The following CDH12 variants were observed in gnomAD, a reference collection of about 807,000 sequenced individuals.
CDH12 encodes the protein cadherin 12.
CDH12 carries 41 observed loss-of-function variants against 74.1 expected under a neutral mutation model. The observed-to-expected ratio is 0.55, with a 90% CI of 0.43 to 0.72. CDH12 has a LOEUF of 0.72. CDH12 is among the 30% of genes least tolerant of loss of function. The pLI is 0.00. For synonymous variants in CDH12, 399 were observed against 355.0 expected (o/e 1.12, Z -1.39); for missense variants, 945 against 977.2 (o/e 0.97, Z 0.44).
chr5:22,022,249 G>A (rs921632186), intron 5 of CDH12, among the ~76,000 whole-genome samples: 1 of 152,088 alleles, frequency 6.6e-6, no homozygotes, highest in African/African-American at 2.4e-5. Flanking sequence ...GGGACCTGGT[G>A]GGAGGTGATT....
chr5:21,946,850 T>G (rs1364614030), intron 6 of CDH12, among the ~76,000 whole-genome samples: 1 of 152,226 alleles, frequency 6.6e-6, no homozygotes, highest in African/African-American at 2.4e-5. Flanking sequence ...CTAGTACTGA[T>G]ATTGTTTGGC....
chr5:22,192,574 C>T (rs1750371036), intron 4 of CDH12, among the ~76,000 whole-genome samples: 1 of 151,894 alleles, frequency 6.6e-6, no homozygotes, highest in Non-Finnish European at 1.5e-5. Context: ...GGTCCACAAG[C>T]ACCATTAGGG....
At chr5:22,801,622 T>A (rs1037471759) in intron 1 of CDH12, among the ~76,000 whole-genome samples, 3 of 130,034 alleles carry the variant, frequency 2.3e-5, no homozygotes, top group Non-Finnish European at 1.6e-5. Context: ...TACAATTACC[T>A]TCACTCTGCT....
intron 1 of CDH12, among the ~76,000 whole-genome samples, chr5:22,658,390 T>C (rs912297364): frequency 6.6e-6 from 1 of 152,180 alleles, no homozygotes; most frequent in African/African-American, 2.4e-5. Context: ...AATTTTAGTT[T>C]ATAATTCTAA....
intron 8 of CDH12, among the ~76,000 whole-genome samples, chr5:21,839,617 G>C (rs1027047795): frequency 3.3e-5 from 5 of 151,992 alleles, no homozygotes; most frequent in Non-Finnish European, 7.4e-5. Flanking sequence ...TGACAAAGTA[G>C]TAAAATATGG....
At chr5:21,892,692 T>A (rs1431184848) in intron 6 of CDH12, among the ~76,000 whole-genome samples, 1 of 152,090 alleles carries the variant, frequency 6.6e-6, no homozygotes, top group East Asian at 1.9e-4. Context: ...CAATACTAAA[T>A]CTTTTGGAAA....
chr5:22,378,548 A>G (rs1741632246), intron 3 of CDH12, among the ~76,000 whole-genome samples: 1 of 152,072 alleles, frequency 6.6e-6, no homozygotes, highest in South Asian at 2.1e-4. Flanking sequence ...AGTATGAATT[A>G]GGGTGTAAAT....
intron 5 of CDH12, among the ~76,000 whole-genome samples, chr5:22,072,113 T>TC (rs1178164888): frequency 6.6e-6 from 1 of 152,096 alleles, no homozygotes; most frequent in Admixed American, 6.6e-5. Context: ...TACACCTTTT[T>TC]CCCCGTCTTC....
chr5:22,579,151 G>A (rs1056851845), intron 1 of CDH12, among the ~76,000 whole-genome samples: 1 of 152,036 alleles, frequency 6.6e-6, no homozygotes, highest in Non-Finnish European at 1.5e-5. Flanking sequence ...TCAACTCTCT[G>A]TATACTACTT....
intron 3 of CDH12, among the ~76,000 whole-genome samples, chr5:22,269,386 A>AT (rs1272971196): frequency 6.6e-6 from 1 of 152,066 alleles, no homozygotes; most frequent in Non-Finnish European, 1.5e-5. Flanking sequence ...GCTATGAACA[A>AT]TTACCCCCAT....
rs754404586 is a variant in CDH12 at position 21,859,495 on chromosome 5, G to C, written c.527-4705C>G. Among the ~76,000 whole-genome samples, 9 of 151,852 alleles carry C rather than the reference G, an allele frequency of 5.9e-5. No homozygotes were observed. The South Asian group carries it at 6.2e-4, about 11-fold the overall frequency. ...TTCTCCAGAAGGCTGTATATGCTCT[G>C]AATCAGTGTCCAATATATGGTACCA... On this transcript the variant is annotated intron_variant, in intron 6 of 14. Coordinates refer to ENST00000382254, the MANE Select transcript of CDH12 (RefSeq NM_004061.5).
At chr5:21,803,697 A>G (rs1747264577) in intron 9 of CDH12, among the ~76,000 whole-genome samples, 1 of 152,176 alleles carries the variant, frequency 6.6e-6, no homozygotes, top group Non-Finnish European at 1.5e-5. Flanking sequence ...TAACATTAAC[A>G]TGGTGATTTT....
intron 1 of CDH12, among the ~76,000 whole-genome samples, chr5:22,623,936 A>G (rs1580826538): frequency 6.6e-6 from 1 of 152,242 alleles, no homozygotes; most frequent in East Asian, 1.9e-4. Context: ...TACAGTAAAC[A>G]AAACAGCATG....
intron 1 of CDH12, among the ~76,000 whole-genome samples, chr5:22,602,860 T>C (rs1039289354): frequency 3.9e-5 from 6 of 152,196 alleles, no homozygotes; most frequent in Admixed American, 1.3e-4. Context: ...TGTGCCAACA[T>C]TTAACTCATA....
chr5:22,523,790 C>T (rs2126689809), intron 1 of CDH12, among the ~76,000 whole-genome samples: 1 of 152,096 alleles, frequency 6.6e-6, no homozygotes, highest in Admixed American at 6.5e-5. Context: ...TCCACCCTGA[C>T]CTCTCTAGTT....
At chr5:22,183,668 G>A (rs1749771708) in intron 4 of CDH12, among the ~76,000 whole-genome samples, 1 of 152,072 alleles carries the variant, frequency 6.6e-6, no homozygotes, top group African/African-American at 2.4e-5. Context: ...CTTGCCATAA[G>A]AAGGAAGGGG....
chr5:22,767,616 T>C (rs1580980363), intron 1 of CDH12, among the ~76,000 whole-genome samples: 2 of 152,052 alleles, frequency 1.3e-5, no homozygotes, highest in African/African-American at 4.8e-5. Context: ...GAATATTTAT[T>C]TATGGATTTT....
intron 1 of CDH12, among the ~76,000 whole-genome samples, chr5:22,567,807 T>A (rs1324160877): frequency 6.6e-6 from 1 of 152,214 alleles, no homozygotes; most frequent in Non-Finnish European, 1.5e-5. Flanking sequence ...TTGTGTATAT[T>A]TGAACAGATG....
rs577979811 is a variant in CDH12, at chr5:21,949,229, T to C, written c.526+25862A>G. 4.6e-5 allele frequency among the ~76,000 whole-genome samples: 7 copies of C among 152,166 alleles called. No homozygotes were observed. The East Asian group carries it at 1.2e-3, about 25-fold the overall frequency. ...AAGAAATAGGCCCGAGGCGGGCAGA[T>C]CACGAGGTCAGGAGATCGAGACCAT... On this transcript the variant is annotated intron_variant, in intron 6 of 14. Transcript: ENST00000382254.
Sources: gnomAD v4.1 joint callset for allele counts (sites outside exome capture counted in the v4.1 genomes callset) on GRCh38, gnomAD v4.1.1 for gene constraint, MANE v1.5 for transcripts, NCBI Gene and HGNC (gene_info 2026-07-23, HGNC 2026-07-21) for gene names.